Variants in MREG observed in about 807,000 individuals in gnomAD.
The protein encoded by MREG is dilute suppressor protein homolog.
In MREG, 31 loss-of-function variants were observed where a neutral mutation model predicts 28.5. The ratio of observed to expected loss-of-function variants is 1.09; its 90% CI spans 0.82 to 1.47. MREG has a LOEUF of 1.47. Among genes scored for constraint, MREG ranks in the 40% most tolerant of loss-of-function variants. MREG has a pLI of 0.00. For synonymous variants in MREG, 106 were observed against 95.2 expected (o/e 1.11, Z -0.66); for missense variants, 256 against 257.4 (o/e 0.99, Z 0.04).
chr2:215,979,197 C>T (rs1693343072), intron 2 of MREG, among the ~76,000 whole-genome samples: 1 of 152,286 alleles, frequency 6.6e-6, no homozygotes, highest in Admixed American at 6.5e-5. Flanking sequence ...GGCACGGTGG[C>T]TCACGCCTGT....
In MREG at chr2:216,030,946, T is replaced by A. The variant is rs906372842; in HGVS notation, c.-68+1843A>T. On this transcript the variant is annotated intron_variant, in intron 1 of 3. Coordinates refer to the MREG transcript ENST00000420348. ...GGCCCATTCTCTCTCTCTCTCTCTC[T>A]CTCTCTCTCTCACACACACACACAC... 4.6e-3 allele frequency among the ~76,000 whole-genome samples: 408 copies of A among 89,280 alleles called. 1 individual carries two copies. Among genetic ancestry groups the A allele is most frequent in the South Asian group, 8.8e-3 (31 of 3,506 alleles). 58.6% of individuals were successfully genotyped at this position (89,280 alleles called of 152,430 possible). A position where few individuals can be genotyped will look rare whatever the true frequency, so the allele number is the denominator to read the frequency against.
At chr2:215,954,333 A>C (rs4453696) in intron 2 of MREG, among the ~76,000 whole-genome samples, 2,510 of 152,228 alleles carry the variant, frequency 0.016, 71 homozygotes, top group African/African-American at 0.057. Flanking sequence ...TCTGAAGACC[A>C]ACCATTAAGA....
At chr2:215,997,831 A>G (rs1380087417) in intron 1 of MREG, among the ~76,000 whole-genome samples, 3 of 152,212 alleles carry the variant, frequency 2.0e-5, no homozygotes, top group Non-Finnish European at 4.4e-5. Flanking sequence ...GGAAGGAAAC[A>G]GGAAATGTTA....
At chr2:216,021,334 C>T (rs938448479) in intron 1 of MREG, among the ~76,000 whole-genome samples, 3 of 152,090 alleles carry the variant, frequency 2.0e-5, no homozygotes, top group East Asian at 1.9e-4. Context: ...GTTATCCACC[C>T]GCCTCGGCCT....
At chr2:215,987,543 C>T (rs1347791163) in intron 2 of MREG, among the ~76,000 whole-genome samples, 2 of 152,074 alleles carry the variant, frequency 1.3e-5, no homozygotes, top group African/African-American at 4.8e-5. Context: ...CCATACCCGG[C>T]AACATAAGCA....
upstream of MREG, chr2:216,033,558 C>G (rs1215767052): frequency 6.6e-6 from 1 of 152,298 alleles, no homozygotes; most frequent in Non-Finnish European, 1.5e-5. Context: ...GCAGAAAGGT[C>G]AGTAACCTCA....
chr2:216,028,805 C>G (rs1694636143), intron 1 of MREG, among the ~76,000 whole-genome samples: 1 of 151,932 alleles, frequency 6.6e-6, no homozygotes, highest in South Asian at 2.1e-4. Flanking sequence ...CAATTACAGA[C>G]AATTCTGTAA....
At position 215,946,496 on chromosome 2, in the gene MREG, C is replaced by T. The variant is rs541756524; in HGVS notation, c.346+527G>A. On this transcript the variant is annotated intron_variant, in intron 3 of 4. Transcript: ENST00000263268. ...GGGCCACATTTATTGTATCACAATCCCGGGAGAATTGAGAAAAATCATTAT... is the reference window on the plus strand; with the variant it reads ...GGGCCACATTTATTGTATCACAATCTCGGGAGAATTGAGAAAAATCATTAT... 3.9e-5 allele frequency among the ~76,000 whole-genome samples: 6 copies of T among 152,086 alleles called. No homozygotes were observed. In the South Asian group the frequency reaches 1.3e-3, roughly 32 times the overall value.
intron 2 of MREG, among the ~76,000 whole-genome samples, chr2:215,987,770 G>GC (rs1231050847): frequency 2.6e-5 from 4 of 152,052 alleles, no homozygotes; most frequent in Admixed American, 2.6e-4. Context: ...GGGTGTGGTG[G>GC]CGCATGCCTG....
intron 2 of MREG, among the ~76,000 whole-genome samples, chr2:215,971,096 C>T (rs573641387): frequency 5.3e-5 from 8 of 152,080 alleles, no homozygotes; most frequent in East Asian, 3.9e-4. Context: ...TGAGAATACA[C>T]GAACATGGGG....
intron 2 of MREG, among the ~76,000 whole-genome samples, chr2:215,976,118 A>T (rs1270473430): frequency 6.6e-6 from 1 of 152,138 alleles, no homozygotes; most frequent in Non-Finnish European, 1.5e-5. Context: ...AAAAAAAAAA[A>T]AAAATGGGAC....
At chr2:215,976,102 C>T (rs574932349) in intron 2 of MREG, among the ~76,000 whole-genome samples, 203 of 105,648 alleles carry the variant, frequency 1.9e-3, no homozygotes, top group African/African-American at 5.7e-3. Flanking sequence ...AGCAGGACTC[C>T]GTCTCAAAAA....
chr2:215,976,548 C>T (rs1693265993), intron 2 of MREG, among the ~76,000 whole-genome samples: 2 of 152,100 alleles, frequency 1.3e-5, no homozygotes, highest in Admixed American at 1.3e-4. Context: ...GAGGAAAGCA[C>T]CGAGTTATCA....
At chr2:215,992,193 C>T (rs1048129662) in intron 2 of MREG, among the ~76,000 whole-genome samples, 2 of 152,202 alleles carry the variant, frequency 1.3e-5, no homozygotes, top group Non-Finnish European at 2.9e-5. Context: ...AAAAGCTTAT[C>T]CACCACAATC....
chr2:215,982,502 G>A (rs1257316966), intron 2 of MREG, among the ~76,000 whole-genome samples: 1 of 152,070 alleles, frequency 6.6e-6, no homozygotes, highest in African/African-American at 2.4e-5. Flanking sequence ...TTTAGTAATC[G>A]AATGGTGCAA....
intron 2 of MREG, among the ~76,000 whole-genome samples, chr2:215,992,465 A>G (rs1393141665): frequency 6.6e-6 from 1 of 152,230 alleles, no homozygotes; most frequent in Non-Finnish European, 1.5e-5. Flanking sequence ...ATCACACTGA[A>G]TGGGCAAAAG....
At chr2:215,984,015 C>T (rs1276253944) in intron 2 of MREG, among the ~76,000 whole-genome samples, 2 of 152,152 alleles carry the variant, frequency 1.3e-5, no homozygotes, top group Non-Finnish European at 2.9e-5. Flanking sequence ...TAAAGACATA[C>T]CCCAGACTGA....
At chr2:215,946,269 A>G (rs967248962) in intron 3 of MREG, among the ~76,000 whole-genome samples, 1 of 151,738 alleles carries the variant, frequency 6.6e-6, no homozygotes, top group African/African-American at 2.4e-5. Context: ...GCTCACAACA[A>G]TACTAGATAT....
rs535312869 is a variant in MREG, at chr2:215,982,214, G to A, written c.255+14092C>T. On this transcript the variant is annotated intron_variant, in intron 2 of 4. Coordinates refer to ENST00000263268, the MANE Select transcript of MREG (RefSeq NM_018000.3). ...TGCATGCCTGTAATTCCAGCTAGTTGGGAGGCTGAGACAGGAGAATCACTT... is the reference window on the plus strand; with the variant it reads ...TGCATGCCTGTAATTCCAGCTAGTTAGGAGGCTGAGACAGGAGAATCACTT... Among the ~76,000 whole-genome samples the A allele has an allele frequency of 3.3e-5, 5 of 151,992 alleles. No individual in the cohort carries two copies. The South Asian group carries it at 1.0e-3, about 32-fold the overall frequency.
Sources: gnomAD v4.1 joint callset for allele counts (sites outside exome capture counted in the v4.1 genomes callset) on GRCh38, gnomAD v4.1.1 for gene constraint, MANE v1.5 for transcripts, NCBI Gene and HGNC (gene_info 2026-07-23, HGNC 2026-07-21) for gene names.